PCSK6: variants seen among roughly 807,000 people sequenced by gnomAD.
The protein encoded by PCSK6 is proprotein convertase subtilisin/kexin type 6.
Under a neutral mutation model 123.3 loss-of-function variants are expected in PCSK6, and 85 were observed. That is an observed-to-expected ratio of 0.69 (90% CI 0.58 to 0.83). The LOEUF is 0.83. PCSK6 is among the 40% of genes least tolerant of loss of function. The probability of loss-of-function intolerance (pLI) is 0.00; values close to 1 mark genes in which losing one functional copy is unlikely to be tolerated. For synonymous variants in PCSK6, 508 were observed against 516.0 expected (o/e 0.98, Z 0.21); for missense variants, 1,191 against 1,282.3 (o/e 0.93, Z 1.09).
chr15:101,449,507 G>A (rs1255343084), intron 1 of PCSK6, among the ~76,000 whole-genome samples: 1 of 152,186 alleles, frequency 6.6e-6, no homozygotes, highest in Non-Finnish European at 1.5e-5. Context: ...AACATACCAG[G>A]TAGGTCCTTG....
At chr15:101,316,574 GACAA>G (rs1203312563) in intron 19 of PCSK6, among the ~76,000 whole-genome samples, 1 of 152,202 alleles carries the variant, frequency 6.6e-6, no homozygotes, top group Non-Finnish European at 1.5e-5. Flanking sequence ...AAAAATAATA[GACAA>G]AAAGGCGACA....
rs12593198 is a variant in PCSK6, at chr15:101,308,229, C to T, written c.2700-904G>A. 7.0e-3 allele frequency: 1,072 copies of T among 152,492 alleles called. 37 individuals carry two copies. The East Asian group carries it at 0.084, about 12-fold the overall frequency. The allele number at this position is 152,492 out of a possible 1,614,324, so 9.4% of individuals were successfully genotyped here. A position where few individuals can be genotyped will look rare whatever the true frequency, so the allele number is the denominator to read the frequency against. The stretch of plus-strand genomic sequence containing the variant: ...CCAGAGCCCGGTGACTCGGTCTCCA[C>T]AGTGCTTGCATCAGCTGCCCACCTC... On this transcript the variant is annotated intron_variant, in intron 20 of 21. Transcript: ENST00000611716.
At position 101,398,538 on chromosome 15, in the gene PCSK6, C is replaced by T. The variant is rs1246087840; in HGVS notation, c.862G>A (p.Glu288Lys). The T allele has an allele frequency of 1.2e-6, 2 of 1,613,696 alleles. No individual in the cohort carries two copies. The highest frequency in any genetic ancestry group is 1.7e-6 in the Non-Finnish European group (2 of 1,179,732). Reference protein sequence around the residue: ...MLDGDVTDVVEAKSLGIRPNY... With the variant: ...MLDGDVTDVVKAKSLGIRPNY... ...GGTCTGATGCCCAGCGACTTTGCCT[C>T]GACCACATCTGTGACATCGCCGTCC... is the stretch of plus-strand genomic sequence containing the variant. Residue 288 changes from glutamate (E) to lysine (K), a missense_variant, in exon 7 of 22, where the codon GAG becomes AAG. Glu to Lys is a moderately conservative substitution (Grantham distance 56). Around this residue, in one of 3 missense-constraint regions of PCSK6, gnomAD observed 357 missense variants for 484.5 expected, o/e 0.74. Coordinates refer to ENST00000611716, the MANE Select transcript of PCSK6 (RefSeq NM_002570.5). The surrounding 1 kb of genome is among the most constrained non-coding windows in gnomAD (Gnocchi z 4.6).
At chr15:101,313,200 T>C in intron 20 of PCSK6, 176 bp downstream of exon 20, 1 of 1,528,144 alleles carries the variant, frequency 6.5e-7, no homozygotes, top group Non-Finnish European at 8.8e-7. Flanking sequence ...CAAATATGCA[T>C]CCAGTGAACA....
At position 101,326,427 on chromosome 15, in the gene PCSK6, G is replaced by A. The variant is rs769137564; in HGVS notation, c.2130C>T (p.Asp710=). The A allele has an allele frequency of 2.5e-6, 4 of 1,586,626 alleles. No homozygotes were observed. In the African/African-American group the frequency reaches 4.0e-5, roughly 16 times the overall value. Residue 710 remains aspartate (D), a synonymous_variant, in exon 16 of 22, where the codon GAC becomes GAT. Transcript: ENST00000611716. ...GDKGCDGPNA[D]QCLNCVHFSL... Reference sequence around the variant, plus strand: ...TGAAGTGGACGCAGTTCAAGCACTGGTCTGCATTGGGGCCATCACAGCCTT... The same window carrying A: ...TGAAGTGGACGCAGTTCAAGCACTGATCTGCATTGGGGCCATCACAGCCTT...
At chr15:101,485,069 T>G (rs2057987776) in intron 1 of PCSK6, among the ~76,000 whole-genome samples, 1 of 152,184 alleles carries the variant, frequency 6.6e-6, no homozygotes, top group Non-Finnish European at 1.5e-5. Flanking sequence ...AAAGTTCCCA[T>G]TGCTCTATAT....
chr15:101,452,279 T>C (rs1239500821), intron 1 of PCSK6, among the ~76,000 whole-genome samples: 1 of 152,194 alleles, frequency 6.6e-6, no homozygotes, highest in East Asian at 1.9e-4. Context: ...AATTTCTACA[T>C]GTGGTCTCGG....
At chr15:101,371,937 T>C (rs1251579647) in intron 11 of PCSK6, among the ~76,000 whole-genome samples, 1 of 152,142 alleles carries the variant, frequency 6.6e-6, no homozygotes, top group Non-Finnish European at 1.5e-5. Context: ...AGCTTTACCA[T>C]ATGGGATGGA....
At chr15:101,416,620 C>T (rs2055896890) in intron 6 of PCSK6, among the ~76,000 whole-genome samples, 1 of 152,322 alleles carries the variant, frequency 6.6e-6, no homozygotes, top group African/African-American at 2.4e-5. Context: ...GGCCCAGAGG[C>T]CCAGGAGGAA....
intron 2 of PCSK6, among the ~76,000 whole-genome samples, chr15:101,437,003 G>A (rs2056620171): frequency 6.6e-6 from 1 of 152,204 alleles, no homozygotes; most frequent in Admixed American, 6.5e-5. Flanking sequence ...AGGAGTGGAA[G>A]GACAGGCTCG....
intron 6 of PCSK6, among the ~76,000 whole-genome samples, chr15:101,412,214 G>A (rs151212879): frequency 6.6e-6 from 1 of 152,344 alleles, no homozygotes; most frequent in East Asian, 1.9e-4. Context: ...ACAGAAGGCT[G>A]AAGTCAGGTA....
chr15:101,422,160 T>C (rs2056103339), intron 6 of PCSK6, among the ~76,000 whole-genome samples: 1 of 152,186 alleles, frequency 6.6e-6, no homozygotes, highest in Non-Finnish European at 1.5e-5. Context: ...TACAGTAAAA[T>C]GTCATCTTAT....
At chr15:101,350,282 G>A (rs1433198686) in intron 13 of PCSK6, among the ~76,000 whole-genome samples, 2 of 152,062 alleles carry the variant, frequency 1.3e-5, no homozygotes, top group East Asian at 1.9e-4. Flanking sequence ...TTTTCTTTAC[G>A]AATTGCTTTT....
intron 1 of PCSK6, among the ~76,000 whole-genome samples, chr15:101,473,644 G>A (rs1346467792): frequency 1.3e-5 from 2 of 152,308 alleles, no homozygotes; most frequent in African/African-American, 2.4e-5. Context: ...GTTGTAGGCC[G>A]AGGTGGGTGG....
At chr15:101,350,417 T>G (rs1173305638) in intron 13 of PCSK6, among the ~76,000 whole-genome samples, 1 of 152,236 alleles carries the variant, frequency 6.6e-6, no homozygotes, top group Non-Finnish European at 1.5e-5. Flanking sequence ...GTTGAGATAT[T>G]AGACATAAAG....
At chr15:101,450,373 C>T (rs895053535) in intron 1 of PCSK6, among the ~76,000 whole-genome samples, 4 of 152,144 alleles carry the variant, frequency 2.6e-5, no homozygotes, top group South Asian at 2.1e-4. Flanking sequence ...CACCCCTGTG[C>T]TCGCTCAAGT....
intron 12 of PCSK6, among the ~76,000 whole-genome samples, chr15:101,368,908 T>C (rs939965001): frequency 7.2e-5 from 11 of 152,242 alleles, no homozygotes; most frequent in Non-Finnish European, 1.0e-4. Context: ...GGGAGCAACA[T>C]AGCATCAAAA....
intron 11 of PCSK6, among the ~76,000 whole-genome samples, chr15:101,373,890 T>C (rs1284155942): frequency 1.3e-5 from 2 of 152,250 alleles, no homozygotes; most frequent in Non-Finnish European, 2.9e-5. Context: ...ACTTTAATGA[T>C]GAAAACTGAT....
chr15:101,395,742 C>T (rs1368537813), intron 7 of PCSK6, among the ~76,000 whole-genome samples: 3 of 152,224 alleles, frequency 2.0e-5, no homozygotes, highest in Non-Finnish European at 4.4e-5. Context: ...TCGATGTCTT[C>T]CCTGGGGAGG....
Sources: gnomAD v4.1 joint callset for allele counts (sites outside exome capture counted in the v4.1 genomes callset) on GRCh38, gnomAD v4.1.1 for gene constraint, gnomAD v4.1.1 regional missense constraint, Gnocchi (gnomAD v3.1) non-coding constraint, MANE v1.5 for transcripts, NCBI Gene and HGNC (gene_info 2026-07-23, HGNC 2026-07-21) for gene names.